The following SDHAF3 variants were observed in gnomAD, a reference collection of about 807,000 sequenced individuals.
SDHAF3 encodes succinate dehydrogenase assembly factor 3, mitochondrial.
In SDHAF3, 18 loss-of-function variants were observed where a neutral mutation model predicts 11.5. The ratio of observed to expected loss-of-function variants is 1.56; its 90% CI spans 1.08 to 2.32. The LOEUF is 2.32. Ranked by LOEUF, SDHAF3 falls within the 30% of genes most tolerant of loss-of-function variation. The probability of loss-of-function intolerance (pLI) is 0.00; values close to 1 mark genes in which losing one functional copy is unlikely to be tolerated. For synonymous variants in SDHAF3, 72 were observed against 59.3 expected (o/e 1.21, Z -0.99); for missense variants, 200 against 154.4 (o/e 1.30, Z -1.57).
rs77261993 is a variant in SDHAF3 at position 97,160,055 on chromosome 7, G to A, written c.175-20957G>A. 1.8e-3 allele frequency among the ~76,000 whole-genome samples: 273 copies of A among 152,160 alleles called. 4 individuals carry two copies. Among genetic ancestry groups the A allele is most frequent in the Admixed American group, 0.012 (190 of 15,270 alleles). ...ACCCTTCGTCTGGGAGGTGAGGAGCGCCTCTGCCCGGCTGCCCTATCTGGG... is the reference window on the plus strand; with the variant it reads ...ACCCTTCGTCTGGGAGGTGAGGAGCACCTCTGCCCGGCTGCCCTATCTGGG... On this transcript the variant is annotated intron_variant, in intron 1 of 1. Coordinates refer to ENST00000432641, the MANE Select transcript of SDHAF3 (RefSeq NM_020186.3).
At chr7:97,125,981 T>G (rs1791567474) in intron 1 of SDHAF3, among the ~76,000 whole-genome samples, 1 of 152,214 alleles carries the variant, frequency 6.6e-6, no homozygotes, top group African/African-American at 2.4e-5. Flanking sequence ...TTACTTTGGA[T>G]GGGGTTTTGT....
intron 1 of SDHAF3, among the ~76,000 whole-genome samples, chr7:97,137,590 C>G (rs1788948704): frequency 6.6e-6 from 1 of 152,154 alleles, no homozygotes; most frequent in Non-Finnish European, 1.5e-5. Context: ...TATTCAATGT[C>G]TACTATTTTT....
intron 1 of SDHAF3, chr7:97,142,931 CTG>C (rs1789076261): frequency 8.1e-6 from 1 of 123,428 alleles, no homozygotes; most frequent in Non-Finnish European, 1.6e-5. Flanking sequence ...GAGTCTCACT[CTG>C]TTGCCCAGGC....
chr7:97,177,510 A>T (rs1487566048), intron 1 of SDHAF3, among the ~76,000 whole-genome samples: 1 of 152,178 alleles, frequency 6.6e-6, no homozygotes, highest in Admixed American at 6.5e-5. Flanking sequence ...TCAAAAAAAA[A>T]ATAAGATACC....
chr7:97,143,539 G>A (rs780480812), intron 1 of SDHAF3, among the ~76,000 whole-genome samples: 1 of 152,052 alleles, frequency 6.6e-6, no homozygotes, highest in Non-Finnish European at 1.5e-5. Context: ...CCACATATCA[G>A]TGAGAACATA....
intron 1 of SDHAF3, among the ~76,000 whole-genome samples, chr7:97,146,120 C>T (rs1483359570): frequency 6.6e-6 from 1 of 152,008 alleles, no homozygotes; most frequent in Admixed American, 6.6e-5. Context: ...CTTTCCCCCC[C>T]CCACTTTTGA....
chr7:97,162,753 G>C (rs1425236748), intron 1 of SDHAF3, among the ~76,000 whole-genome samples: 1 of 152,222 alleles, frequency 6.6e-6, no homozygotes, highest in African/African-American at 2.4e-5. Flanking sequence ...TGGTCTGAGA[G>C]ACTGTTTGTT....
intron 1 of SDHAF3, among the ~76,000 whole-genome samples, chr7:97,137,111 G>A (rs557818822): frequency 3.3e-5 from 5 of 151,920 alleles, no homozygotes; most frequent in African/African-American, 9.7e-5. Context: ...AAGTATATAC[G>A]AACTAAAGCT....
At position 97,153,028 on chromosome 7, in the gene SDHAF3, G is replaced by A. The variant is rs73233829; in HGVS notation, c.175-27984G>A. Among the ~76,000 whole-genome samples the A allele has an allele frequency of 4.2e-3, 635 of 152,314 alleles. 2 individuals carry two copies. The highest frequency in any genetic ancestry group is 7.0e-3 in the Non-Finnish European group (479 of 68,028). The stretch of plus-strand genomic sequence containing the variant: ...TTTACAAAGGTGATCTAGTCTCCAA[G>A]CAAGGAGGATGTTTGTTTTGGGGAG... On this transcript the variant is annotated intron_variant, in intron 1 of 1. Transcript: ENST00000432641.
intron 1 of SDHAF3, among the ~76,000 whole-genome samples, chr7:97,149,196 C>T (rs981830755): frequency 1.3e-5 from 2 of 152,176 alleles, no homozygotes; most frequent in Middle Eastern, 3.4e-3. Context: ...TTTGTCTTCC[C>T]AAAGTGCTGG....
chr7:97,129,123 T>C (rs1435921064), intron 1 of SDHAF3, among the ~76,000 whole-genome samples: 1 of 152,238 alleles, frequency 6.6e-6, no homozygotes, highest in Non-Finnish European at 1.5e-5. Context: ...GTCTCTTTCA[T>C]GTTCCAAATG....
chr7:97,132,578 A>G (rs919717354), intron 1 of SDHAF3, among the ~76,000 whole-genome samples: 2 of 152,188 alleles, frequency 1.3e-5, no homozygotes, highest in African/African-American at 4.8e-5. Flanking sequence ...ATGATTTTCC[A>G]CTAAATTTGA....
At chr7:97,141,946 A>C (rs558147310) in intron 1 of SDHAF3, among the ~76,000 whole-genome samples, 95 of 152,070 alleles carry the variant, frequency 6.2e-4, no homozygotes, top group African/African-American at 2.2e-3. Flanking sequence ...TTTCTCCCCC[A>C]AAAGAAAAAT....
At chr7:97,165,335 G>T (rs922091760) in intron 1 of SDHAF3, among the ~76,000 whole-genome samples, 11 of 134,662 alleles carry the variant, frequency 8.2e-5, no homozygotes, top group Non-Finnish European at 1.7e-4. Flanking sequence ...ATCAATTAAG[G>T]TATCTCAAAG....
At chr7:97,165,415 A>G (rs1252326956) in intron 1 of SDHAF3, among the ~76,000 whole-genome samples, 2 of 47,538 alleles carry the variant, frequency 4.2e-5, no homozygotes, top group African/African-American at 1.7e-4. Context: ...GCATTCCATT[A>G]GCATGTTTTT....
intron 1 of SDHAF3, among the ~76,000 whole-genome samples, chr7:97,147,757 A>G (rs1029355001): frequency 2.5e-4 from 38 of 152,214 alleles, no homozygotes; most frequent in Admixed American, 2.5e-3. Context: ...GGGCATGGTT[A>G]TAAATTGTGT....
chr7:97,168,476 G>C (rs888909938), intron 1 of SDHAF3, among the ~76,000 whole-genome samples: 1 of 152,196 alleles, frequency 6.6e-6, no homozygotes, highest in Non-Finnish European at 1.5e-5. Flanking sequence ...AATTCAACCT[G>C]TGCCCAGGAA....
chr7:97,151,807 G>A (rs1672355342), intron 1 of SDHAF3, among the ~76,000 whole-genome samples: 1 of 151,996 alleles, frequency 6.6e-6, no homozygotes, highest in South Asian at 2.1e-4. Flanking sequence ...CCAACCTTTA[G>A]TCTCTTTTTC....
chr7:97,151,815 T>G (rs771913784), intron 1 of SDHAF3, among the ~76,000 whole-genome samples: 1 of 152,100 alleles, frequency 6.6e-6, no homozygotes, highest in Non-Finnish European at 1.5e-5. Flanking sequence ...TAGTCTCTTT[T>G]TCCTGTGGTA....
Sources: allele counts gnomAD v4.1 joint callset (sites outside exome capture counted in the v4.1 genomes callset), GRCh38; gene constraint gnomAD v4.1.1; transcripts MANE v1.5; gene names NCBI Gene and HGNC (gene_info 2026-07-23, HGNC 2026-07-21).